PDE4B: variants seen among roughly 807,000 people sequenced by gnomAD.
The protein encoded by PDE4B is 3',5'-cyclic-AMP phosphodiesterase 4B.
A neutral mutation model predicts 82.2 loss-of-function variants in PDE4B; 20 were observed. The observed-to-expected ratio is 0.24, with a 90% CI of 0.17 to 0.35. The LOEUF (loss-of-function observed/expected upper bound fraction) is 0.35, where lower values mean the gene tolerates loss of function less well. Among genes scored for constraint, PDE4B ranks in the 10% least tolerant of loss-of-function variants. PDE4B has a pLI of 1.00. For missense variants in PDE4B, 655 were observed against 907.2 expected, an observed-to-expected ratio of 0.72 and a Z score of 3.57; for synonymous variants, 320 against 318.9, an observed-to-expected ratio of 1.00 and a Z score of -0.04.
intron 1 of PDE4B, among the ~76,000 whole-genome samples, chr1:65,818,671 T>A (rs1645913451): frequency 1.2e-5 from 1 of 86,586 alleles, no homozygotes; most frequent in Non-Finnish European, 2.3e-5. Context: ...TACATATATA[T>A]TCACACACAC....
chr1:66,053,363 A>G lies in PDE4B; in HGVS notation c.281+134528A>G, dbSNP rs1655137750. Reference sequence around the variant, plus strand: ...CCAATAAGAAATCTAAGAATCTGCAAGTTTAAGTTCTGATAACCACTGGCT... The same window carrying G: ...CCAATAAGAAATCTAAGAATCTGCAGGTTTAAGTTCTGATAACCACTGGCT... On this transcript the variant is annotated intron_variant, in intron 3 of 16. Coordinates refer to ENST00000341517, the MANE Select transcript of PDE4B (RefSeq NM_002600.4). Among the ~76,000 whole-genome samples the G allele has an allele frequency of 2.0e-5, 3 of 152,212 alleles. No individual in the cohort carries two copies. In the South Asian group the frequency reaches 6.2e-4, roughly 32 times the overall value.
intron 6 of PDE4B, among the ~76,000 whole-genome samples, chr1:66,264,926 A>T (rs1202740788): frequency 3.3e-5 from 5 of 152,242 alleles, no homozygotes; most frequent in Non-Finnish European, 7.3e-5. Context: ...TAGACTCTTC[A>T]GGGTTGGAAA....
intron 3 of PDE4B, among the ~76,000 whole-genome samples, chr1:65,984,006 A>G (rs892490235): frequency 1.4e-4 from 22 of 152,334 alleles, no homozygotes; most frequent in Admixed American, 1.3e-3. Context: ...ATGACAGCTT[A>G]TATTCACACA....
At chr1:66,272,009 G>C (rs1312748825) in intron 7 of PDE4B, among the ~76,000 whole-genome samples, 1 of 152,176 alleles carries the variant, frequency 6.6e-6, no homozygotes, top group African/African-American at 2.4e-5. Context: ...TAGCATCAGG[G>C]ATCTGCAGCA....
At chr1:65,969,632 C>G (rs957864473) in intron 3 of PDE4B, among the ~76,000 whole-genome samples, 3 of 152,100 alleles carry the variant, frequency 2.0e-5, no homozygotes, top group Non-Finnish European at 4.4e-5. Flanking sequence ...TGCTGGAATT[C>G]TAGCAACATC....
chr1:66,208,395 T>A (rs933298409), intron 3 of PDE4B, among the ~76,000 whole-genome samples: 1 of 152,212 alleles, frequency 6.6e-6, no homozygotes, highest in Non-Finnish European at 1.5e-5. Flanking sequence ...ACGTAGCACA[T>A]ACTTCTAGCT....
At chr1:65,885,855 T>TATAGTA (rs1425038755) in intron 1 of PDE4B, among the ~76,000 whole-genome samples, 2 of 141,376 alleles carry the variant, frequency 1.4e-5, no homozygotes, top group Non-Finnish European at 3.0e-5. Context: ...AAACTTAACG[T>TATAGTA]ATAATAATAA....
At chr1:66,344,396 A>G (rs1661235071) in intron 8 of PDE4B, among the ~76,000 whole-genome samples, 1 of 152,252 alleles carries the variant, frequency 6.6e-6, no homozygotes, top group African/African-American at 2.4e-5. Context: ...TTTAAAAATC[A>G]GTATCATTTA....
At chr1:66,025,714 A>AC (rs1311631306) in intron 3 of PDE4B, among the ~76,000 whole-genome samples, 2 of 151,962 alleles carry the variant, frequency 1.3e-5, no homozygotes, top group African/African-American at 4.8e-5. Context: ...TTTAAACTTA[A>AC]CCCCTGTTCC....
intron 7 of PDE4B, among the ~76,000 whole-genome samples, chr1:66,270,033 A>G (rs1655351008): frequency 6.6e-6 from 1 of 152,196 alleles, no homozygotes; most frequent in South Asian, 2.1e-4. Context: ...GAAAAACACC[A>G]CAGAAGTCTA....
At chr1:66,229,255 C>A (rs1021669075) in intron 3 of PDE4B, among the ~76,000 whole-genome samples, 1 of 151,800 alleles carries the variant, frequency 6.6e-6, no homozygotes, top group Non-Finnish European at 1.5e-5. Flanking sequence ...GTGATCCGCC[C>A]GCCTCGGCCT....
chr1:66,356,184 T>G (rs1662224074), intron 9 of PDE4B, among the ~76,000 whole-genome samples: 1 of 152,244 alleles, frequency 6.6e-6, no homozygotes, highest in Non-Finnish European at 1.5e-5. Context: ...TAATATTATC[T>G]GAAGGATTTC....
intron 2 of PDE4B, among the ~76,000 whole-genome samples, chr1:65,915,523 GT>G (rs1367757933): frequency 1.3e-5 from 2 of 152,126 alleles, no homozygotes; most frequent in East Asian, 3.9e-4. Flanking sequence ...AATTCAAAAA[GT>G]AGAGAATGCT....
At chr1:65,908,211 A>G (rs993930490) in intron 1 of PDE4B, among the ~76,000 whole-genome samples, 6 of 152,196 alleles carry the variant, frequency 3.9e-5, no homozygotes. Flanking sequence ...TCCTGGAAGA[A>G]TAAAGAGGGT....
At chr1:66,087,354 T>C (rs1193695889) in intron 3 of PDE4B, among the ~76,000 whole-genome samples, 1 of 152,170 alleles carries the variant, frequency 6.6e-6, no homozygotes, top group Non-Finnish European at 1.5e-5. Flanking sequence ...TGTTTTTTTC[T>C]TCTAAATTTG....
intron 3 of PDE4B, among the ~76,000 whole-genome samples, chr1:66,178,552 A>G (rs1039878399): frequency 6.6e-6 from 1 of 152,170 alleles, no homozygotes; most frequent in Non-Finnish European, 1.5e-5. Context: ...GAATATGTTT[A>G]AATTTTCTTG....
intron 3 of PDE4B, among the ~76,000 whole-genome samples, chr1:65,963,244 C>T (rs1649638066): frequency 6.6e-6 from 1 of 152,178 alleles, no homozygotes; most frequent in African/African-American, 2.4e-5. Flanking sequence ...ACTCCAAAAG[C>T]ACCGATTAGA....
intron 3 of PDE4B, among the ~76,000 whole-genome samples, chr1:66,166,308 T>C (rs1460832288): frequency 6.6e-6 from 1 of 151,710 alleles, no homozygotes; most frequent in African/African-American, 2.4e-5. Flanking sequence ...AACACAGGAG[T>C]AAATATTCAT....
chr1:66,180,831 G>C (rs1557614035), intron 3 of PDE4B, among the ~76,000 whole-genome samples: 1 of 152,204 alleles, frequency 6.6e-6, no homozygotes, highest in Non-Finnish European at 1.5e-5. Flanking sequence ...GACTGAGAGA[G>C]AGAGAGAGAA....
Sources: allele counts gnomAD v4.1 joint callset (sites outside exome capture counted in the v4.1 genomes callset), GRCh38; gene constraint gnomAD v4.1.1; transcripts MANE v1.5; gene names NCBI Gene and HGNC (gene_info 2026-07-23, HGNC 2026-07-21).